The following CIB2 variants were observed in gnomAD, a reference collection of about 807,000 sequenced individuals.
CIB2 encodes the protein calcium and integrin-binding family member 2.
In CIB2, 19 loss-of-function variants were observed where a neutral mutation model predicts 23.1. The ratio of observed to expected loss-of-function variants is 0.82; its 90% CI spans 0.57 to 1.21. CIB2 has a LOEUF of 1.21. Ranked by LOEUF, CIB2 falls within the 50% of genes most tolerant of loss-of-function variation. The pLI is 0.00. For synonymous variants in CIB2, 94 were observed against 91.7 expected (o/e 1.03, Z -0.14); for missense variants, 220 against 241.5 (o/e 0.91, Z 0.59).
chr15:78,127,871 T>G (rs577254244), intron 1 of CIB2, among the ~76,000 whole-genome samples: 1 of 152,262 alleles, frequency 6.6e-6, no homozygotes, highest in South Asian at 2.1e-4. Context: ...TAGTTCCCAT[T>G]TTAGAGGTGG....
At chr15:78,116,176 G>A (rs1325225392) in intron 2 of CIB2, among the ~76,000 whole-genome samples, 3 of 151,966 alleles carry the variant, frequency 2.0e-5, no homozygotes, top group African/African-American at 7.3e-5. Flanking sequence ...TATATAGGAG[G>A]GGCTGGGCAC....
rs201655250 is a variant in CIB2, at chr15:78,131,237, C to T, written c.-22G>A. Reference sequence around the variant, plus strand: ...CCATGGTGGCCGCCGCGCCGCCGCTCGCCCGCCCGGGCTCCGACTCCCATC... The same window carrying T: ...CCATGGTGGCCGCCGCGCCGCCGCTTGCCCGCCCGGGCTCCGACTCCCATC... On this transcript the variant is annotated 5_prime_UTR_variant, in exon 1 of 6. Coordinates refer to ENST00000258930, the MANE Select transcript of CIB2 (RefSeq NM_006383.4). The surrounding 1 kb of genome is among the most constrained non-coding windows in gnomAD (Gnocchi z 5.8). The T allele has an allele frequency of 5.9e-4, 876 of 1,485,566 alleles. No homozygotes were observed. Among genetic ancestry groups the T allele is most frequent in the Admixed American group, 1.3e-3 (66 of 50,008 alleles). The allele number at this position is 1,485,566 out of a possible 1,614,324, so 92.0% of individuals were successfully genotyped here.
intron 4 of CIB2, among the ~76,000 whole-genome samples, chr15:78,107,083 A>C (rs2074082636): frequency 6.6e-6 from 1 of 151,992 alleles, no homozygotes; most frequent in Admixed American, 6.6e-5. Context: ...AAAAAAAAAA[A>C]AATTAGCCGG....
At chr15:78,117,267 A>AAAAAAAAAAAAAAAAAAAAAAAAAAT (rs2074254532) in intron 2 of CIB2, among the ~76,000 whole-genome samples, 1 of 122,420 alleles carries the variant, frequency 8.2e-6, no homozygotes, top group Non-Finnish European at 1.9e-5. Flanking sequence ...AAAAAAAAAA[A>AAAAAAAAAAAAAAAAAAAAAAAAAAT]AAAAAAAAGT....
Position 78,109,303 on chromosome 15 carries a change from T to C in CIB2, c.278A>G (p.Asp93Gly), listed in dbSNP as rs1419664563. ...EGNLTFNDFVDMFSVLCESAP... is the reference protein window; with the variant it reads ...EGNLTFNDFVGMFSVLCESAP... The stretch of plus-strand genomic sequence containing the variant: ...CGACTCGCAGAGCACGGAAAACATG[T>C]CCACAAAGTCGTTGAAAGTGAGGTT... Residue 93 changes from aspartate to glycine, a missense_variant, in exon 4 of 6, where the codon GAC becomes GGC. Asp to Gly is a moderately conservative substitution (Grantham distance 94). Coordinates refer to ENST00000258930, the MANE Select transcript of CIB2 (RefSeq NM_006383.4). The C allele has an allele frequency of 6.2e-7, 1 of 1,610,218 alleles. No homozygotes were observed. The highest frequency in any genetic ancestry group is 2.2e-5 in the East Asian group (1 of 44,674).
At chr15:78,117,283 T>TAAAAA (rs1265422874) in intron 2 of CIB2, among the ~76,000 whole-genome samples, 20 of 133,496 alleles carry the variant, frequency 1.5e-4, no homozygotes, top group South Asian at 4.8e-4. Context: ...AAAGTTTGTT[T>TAAAAA]AAAAGAATAA....
At chr15:78,123,140 C>G (rs145929265) in intron 2 of CIB2, among the ~76,000 whole-genome samples, 28 of 152,270 alleles carry the variant, frequency 1.8e-4, no homozygotes, top group African/African-American at 6.0e-4. Flanking sequence ...AAGGGCTGTC[C>G]TGGGAAGAAG....
chr15:78,116,677 T>C (rs2074245277), intron 2 of CIB2, among the ~76,000 whole-genome samples: 2 of 152,106 alleles, frequency 1.3e-5, no homozygotes, highest in South Asian at 4.1e-4. Context: ...CAAGTTACCA[T>C]TTACTGGAAA....
At chr15:78,122,880 C>T (rs1257429562) in intron 2 of CIB2, among the ~76,000 whole-genome samples, 1 of 152,246 alleles carries the variant, frequency 6.6e-6, no homozygotes, top group Non-Finnish European at 1.5e-5. Flanking sequence ...TGACAAGCTG[C>T]AGCACAGCTC....
chr15:78,128,146 G>A (rs777217788), intron 1 of CIB2, among the ~76,000 whole-genome samples: 7 of 152,224 alleles, frequency 4.6e-5, no homozygotes, highest in African/African-American at 7.2e-5. Flanking sequence ...CAAGGGACTG[G>A]GGATGTATAT....
chr15:78,113,136 T>C (rs1471453835), intron 2 of CIB2, among the ~76,000 whole-genome samples: 2 of 152,208 alleles, frequency 1.3e-5, no homozygotes, highest in Non-Finnish European at 2.9e-5. Flanking sequence ...CCAGGACCTC[T>C]GGACACCAAC....
intron 4 of CIB2, 22 bp from the exon 5 acceptor site, chr15:78,105,956 T>A (rs1287142073): frequency 8.7e-6 from 14 of 1,608,446 alleles, no homozygotes; most frequent in African/African-American, 1.3e-5. Flanking sequence ...GGGTTGGACA[T>A]GTTCAAGTCC....
At position 78,105,853 on chromosome 15, in the gene CIB2, T is replaced by C; in HGVS notation, c.428A>G (p.Glu143Gly). ...CTTGTCGCACACAAGCACCACCTCCTCCTCATCCAGCTCTGACTTAGTGAG... is the reference window on the plus strand; with the variant it reads ...CTTGTCGCACACAAGCACCACCTCCCCCTCATCCAGCTCTGACTTAGTGAG... ...ARLTKSELDEEEVVLVCDKVI... is the reference protein window; with the variant it reads ...ARLTKSELDEGEVVLVCDKVI... Residue 143 changes from glutamate (E) to glycine (G), a missense_variant, in exon 5 of 6, where the codon GAG becomes GGG. Physicochemically the swap from Glu to Gly is moderately conservative, Grantham distance 98 (BLOSUM62 -2). Transcript: ENST00000258930. 1.2e-6 allele frequency: 2 copies of C among 1,614,158 alleles called. No homozygotes were observed. Among genetic ancestry groups the C allele is most frequent in the Middle Eastern group, 3.3e-4 (2 of 6,062 alleles).
rs746557243 is a variant in CIB2 at position 78,109,191 on chromosome 15, T to C, written c.346+44A>G. On this transcript the variant is annotated intron_variant, in intron 4 of 5. Transcript: ENST00000258930. ...CCAGACAGCCTAAGGGCCCCACATG[T>C]TCCCCCACCGCATATTCAGGCCCCC... 57 of 1,337,678 alleles carry C rather than the reference T, an allele frequency of 4.3e-5. 1 individual carries two copies. The highest frequency in any genetic ancestry group is 5.4e-5 in the Non-Finnish European group (53 of 982,234). The allele number at this position is 1,337,678 out of a possible 1,614,324, so 82.9% of individuals were successfully genotyped here.
intron 2 of CIB2, among the ~76,000 whole-genome samples, chr15:78,117,301 A>C (rs1425787235): frequency 6.8e-6 from 1 of 148,042 alleles, no homozygotes; most frequent in Non-Finnish European, 1.5e-5. Flanking sequence ...TAAATGTAGG[A>C]GTGTTGCAGG....
chr15:78,123,607 C>T (rs2074346471), intron 2 of CIB2, 98 bp downstream of exon 2: 1 of 1,250,216 alleles, frequency 8.0e-7, no homozygotes, highest in Non-Finnish European at 1.2e-6. Context: ...TGATGCTCTG[C>T]CTCAGCCCCA....
chr15:78,119,571 A>C (rs531233870), intron 2 of CIB2, among the ~76,000 whole-genome samples: 1 of 150,910 alleles, frequency 6.6e-6, no homozygotes, highest in East Asian at 1.9e-4. Flanking sequence ...GCATATATAT[A>C]CTTTTTTTTT....
chr15:78,128,570 G>T (rs892341142), intron 1 of CIB2, among the ~76,000 whole-genome samples: 34 of 152,118 alleles, frequency 2.2e-4, no homozygotes, highest in African/African-American at 7.5e-4. Context: ...CCAGCTACTT[G>T]GGAGGCTGAG....
intron 5 of CIB2, 195 bp from the exon 6 acceptor site, chr15:78,105,527 T>C (rs959545146): frequency 4.7e-6 from 7 of 1,482,372 alleles, no homozygotes; most frequent in Admixed American, 2.3e-5. Context: ...CTGCCCCCAC[T>C]TATCACTGAA....
Sources: allele counts gnomAD v4.1 joint callset (sites outside exome capture counted in the v4.1 genomes callset), GRCh38; gene constraint gnomAD v4.1.1; non-coding constraint Gnocchi (gnomAD v3.1); transcripts MANE v1.5; gene names NCBI Gene and HGNC (gene_info 2026-07-23, HGNC 2026-07-21).